The following MKRN1 variants were observed in gnomAD, a reference collection of about 807,000 sequenced individuals.
MKRN1 encodes makorin ring finger protein 1, also known as E3 ubiquitin-protein ligase makorin-1.
Under a neutral mutation model 55.5 loss-of-function variants are expected in MKRN1, and 9 were observed. The observed-to-expected ratio is 0.16, with a 90% CI of 0.10 to 0.28. The LOEUF (loss-of-function observed/expected upper bound fraction) is 0.28. Ranked by LOEUF, MKRN1 falls within the 10% of genes least tolerant of loss-of-function variation. MKRN1 has a pLI of 1.00. For synonymous variants in MKRN1, 253 were observed against 235.9 expected, an observed-to-expected ratio of 1.07 and a Z score of -0.66; for missense variants, 488 against 626.7, an observed-to-expected ratio of 0.78 and a Z score of 2.36.
chr7:140,473,990 CT>C (rs1232711984), intron 1 of MKRN1, among the ~76,000 whole-genome samples: 2 of 43,630 alleles, frequency 4.6e-5, no homozygotes, highest in African/African-American at 3.1e-4. Context: ...GAAACTCCGT[CT>C]CAAAAAAAAA....
rs1794881731 is a variant in MKRN1, at chr7:140,470,093, T to C, written c.314+1790A>G. 2.8e-5 allele frequency among the ~76,000 whole-genome samples: 4 copies of C among 144,430 alleles called. No homozygotes were observed. In the Admixed American group the frequency reaches 2.9e-4, roughly 10 times the overall value. 94.8% of individuals were successfully genotyped at this position (144,430 alleles called of 152,430 possible). A position where few individuals can be genotyped will look rare whatever the true frequency, so the allele number is the denominator to read the frequency against. ...AAAATTAGCCAGGTGTGGTGGTGCA[T>C]GCTTGTAATCCTAGCTACTCTGGAG... On this transcript the variant is annotated intron_variant, in intron 2 of 7. Transcript: ENST00000255977.
At chr7:140,474,068 TAA>T (rs1465232759) in intron 1 of MKRN1, among the ~76,000 whole-genome samples, 1 of 111,080 alleles carries the variant, frequency 9.0e-6, no homozygotes, top group Non-Finnish European at 2.0e-5. Context: ...AAAGAAAGAA[TAA>T]AAGACTGTAG....
At chr7:140,466,328 C>G (rs1170449722) in intron 2 of MKRN1, among the ~76,000 whole-genome samples, 1 of 152,142 alleles carries the variant, frequency 6.6e-6, no homozygotes, top group East Asian at 1.9e-4. Context: ...GGCTCATCCT[C>G]TAAAGAGTTC....
At chr7:140,455,645 T>C (rs1794447439) in intron 6 of MKRN1, 145 bp downstream of exon 6, 3 of 654,196 alleles carry the variant, frequency 4.6e-6, no homozygotes, top group Non-Finnish European at 8.0e-6. Flanking sequence ...ATACTGGATG[T>C]TATCAGGGTG....
At chr7:140,462,690 C>A (rs933910624) in intron 2 of MKRN1, among the ~76,000 whole-genome samples, 2 of 152,002 alleles carry the variant, frequency 1.3e-5, no homozygotes, top group African/African-American at 2.4e-5. Context: ...TTAGGCAGGG[C>A]GCAGTGGCTC....
intron 3 of MKRN1, 65 bp from the exon 4 acceptor site, chr7:140,459,298 G>T: frequency 2.0e-6 from 3 of 1,479,440 alleles, no homozygotes. Flanking sequence ...AGAGAACTGA[G>T]AATCTAACCG....
At chr7:140,467,073 G>A (rs191039080) in intron 2 of MKRN1, among the ~76,000 whole-genome samples, 1 of 152,132 alleles carries the variant, frequency 6.6e-6, no homozygotes, top group East Asian at 1.9e-4. Context: ...CACCTCCCGG[G>A]TTCAAGTGAT....
chr7:140,464,199 C>T (rs1029014637), intron 2 of MKRN1, among the ~76,000 whole-genome samples: 1 of 151,708 alleles, frequency 6.6e-6, no homozygotes, highest in Non-Finnish European at 1.5e-5. Flanking sequence ...GGATTATAGG[C>T]GTGAGCCACC....
At chr7:140,460,040 G>A in intron 2 of MKRN1, 104 bp from the exon 3 acceptor site, 1 of 999,678 alleles carries the variant, frequency 1.0e-6, no homozygotes, top group African/African-American at 1.6e-5. Context: ...AGAGAGGTTG[G>A]GAGTTCGAGA....
At chr7:140,462,865 C>T (rs1209261168) in intron 2 of MKRN1, among the ~76,000 whole-genome samples, 2 of 152,188 alleles carry the variant, frequency 1.3e-5, no homozygotes, top group East Asian at 3.8e-4. Flanking sequence ...ACTTGGGAGG[C>T]TGAGGCACAA....
chr7:140,470,657 T>C (rs1794898228), intron 2 of MKRN1, among the ~76,000 whole-genome samples: 1 of 151,812 alleles, frequency 6.6e-6, no homozygotes, highest in Non-Finnish European at 1.5e-5. Flanking sequence ...GTCTCACACC[T>C]GTAATCCCAG....
chr7:140,479,325 G>A lies in MKRN1; in HGVS notation c.20C>T (p.Pro7Leu), dbSNP rs564697889. 5 of 1,308,400 alleles carry A rather than the reference G, an allele frequency of 3.8e-6. No homozygotes were observed. In the African/African-American group the frequency reaches 4.6e-5, roughly 12 times the overall value. 81.0% of individuals were successfully genotyped at this position (1,308,400 alleles called of 1,614,324 possible). MAEAAT[P>L]GTTATTSGAG... ...TCCTGATGTTGTGGCTGTTGTTCCG[G>A]GAGTTGCAGCCTCCGCCATTACTGT... Residue 7 changes from proline (P) to leucine (L), a missense_variant, in exon 1 of 8, where the codon CCC (proline) becomes CTC (leucine). Pro to Leu is a moderately conservative substitution (Grantham distance 98, BLOSUM62 -3). Coordinates refer to ENST00000255977, the MANE Select transcript of MKRN1 (RefSeq NM_013446.4).
chr7:140,456,975 CAATGTTCCCAAGCTGACACGAA>C, intron 4 of MKRN1, 109 bp from the exon 5 acceptor site: 1 of 1,116,102 alleles, frequency 9.0e-7, no homozygotes, highest in Non-Finnish European at 1.3e-6. Context: ...ACTGAAAAAA[CAATGTTCCCAAGCTGACACGAA>C]AATTAGCTTT....
chr7:140,472,262 C>A (rs1794950367), intron 1 of MKRN1: 1 of 416,664 alleles, frequency 2.4e-6, no homozygotes, highest in South Asian at 2.4e-5. Context: ...TGGTGAAACC[C>A]CGTCTCTACT....
intron 1 of MKRN1, 91 bp from the exon 2 acceptor site, chr7:140,472,102 T>C (rs1794945257): frequency 1.3e-6 from 2 of 1,527,394 alleles, no homozygotes; most frequent in African/African-American, 2.8e-5. Context: ...ATTCAACCAG[T>C]AAATACACAA....
chr7:140,465,088 A>T (rs1353112886), intron 2 of MKRN1, among the ~76,000 whole-genome samples: 1 of 152,226 alleles, frequency 6.6e-6, no homozygotes, highest in African/African-American at 2.4e-5. Context: ...CTGTAAGAGA[A>T]AATAACCCTT....
In MKRN1 at chr7:140,454,229, G is replaced by T. The variant is rs1482062788; in HGVS notation, c.*288C>A. On this transcript the variant is annotated 3_prime_UTR_variant, in exon 8 of 8. Coordinates refer to ENST00000255977, the MANE Select transcript of MKRN1 (RefSeq NM_013446.4). ...GTGAAAAGTCCATAAATGCAATCTGGTTGAAAACAGATGACGCAACACACC... is the reference window on the plus strand; with the variant it reads ...GTGAAAAGTCCATAAATGCAATCTGTTTGAAAACAGATGACGCAACACACC... 4.8e-6 allele frequency: 2 copies of T among 412,386 alleles called. No individual in the cohort carries two copies. Among genetic ancestry groups the T allele is most frequent in the Non-Finnish European group, 9.1e-6 (2 of 219,570 alleles). 25.5% of individuals were successfully genotyped at this position (412,386 alleles called of 1,614,324 possible).
intron 1 of MKRN1, among the ~76,000 whole-genome samples, chr7:140,477,682 T>A (rs1795166469): frequency 6.9e-6 from 1 of 145,274 alleles, no homozygotes; most frequent in South Asian, 2.2e-4. Context: ...GGTCTCGAAC[T>A]CCTTACCTCA....
rs549344433 is a variant in MKRN1, at chr7:140,467,193, C to T, written c.314+4690G>A. Among the ~76,000 whole-genome samples, 272 of 152,148 alleles carry T rather than the reference C, an allele frequency of 1.8e-3. 3 individuals carry two copies. The highest frequency in any genetic ancestry group is 2.6e-3 in the Non-Finnish European group (178 of 68,026). ...GGTTTTCCACAGGTCAGGCTGATAT[C>T]AAATTCCCGACCTCAGGTGATCCTC... On this transcript the variant is annotated intron_variant, in intron 2 of 7. Coordinates refer to ENST00000255977, the MANE Select transcript of MKRN1 (RefSeq NM_013446.4).
Sources: gnomAD v4.1 joint callset for allele counts (sites outside exome capture counted in the v4.1 genomes callset) on GRCh38, gnomAD v4.1.1 for gene constraint, MANE v1.5 for transcripts, NCBI Gene and HGNC (gene_info 2026-07-23, HGNC 2026-07-21) for gene names.